CFAP43: variants seen among roughly 807,000 people sequenced by gnomAD.
CFAP43 encodes cilia- and flagella-associated protein 43.
Under a neutral mutation model 218.9 loss-of-function variants are expected in CFAP43, and 155 were observed. The ratio of observed to expected loss-of-function variants is 0.71; its 90% CI spans 0.62 to 0.81. CFAP43 has a LOEUF of 0.81. Among genes scored for constraint, CFAP43 ranks in the 30% least tolerant of loss-of-function variants. CFAP43 has a pLI of 0.00. For missense variants in CFAP43, 1,778 were observed against 1,954.3 expected, an observed-to-expected ratio of 0.91 and a Z score of 1.70; for synonymous variants, 645 against 681.3, an observed-to-expected ratio of 0.95 and a Z score of 0.83.
intron 17 of CFAP43, among the ~76,000 whole-genome samples, 191 bp from the exon 18 acceptor site, chr10:104,180,123 A>G (rs2089778376): frequency 6.6e-6 from 1 of 152,214 alleles, no homozygotes; most frequent in African/African-American, 2.4e-5. Flanking sequence ...CTGCCCTTAT[A>G]GTAGCCACAG....
At chr10:104,220,004 T>C (rs907474337) in intron 3 of CFAP43, among the ~76,000 whole-genome samples, 3 of 152,222 alleles carry the variant, frequency 2.0e-5, no homozygotes, top group African/African-American at 4.8e-5. Flanking sequence ...TTTGGAAATA[T>C]GATCTTTACA....
chr10:104,227,485 C>T (rs1328921660), intron 2 of CFAP43, among the ~76,000 whole-genome samples: 1 of 152,148 alleles, frequency 6.6e-6, no homozygotes, highest in Non-Finnish European at 1.5e-5. Flanking sequence ...AGAAAAATAG[C>T]ATCTTGGTTT....
intron 33 of CFAP43, among the ~76,000 whole-genome samples, chr10:104,141,281 A>G (rs994202792): frequency 6.6e-6 from 1 of 152,222 alleles, no homozygotes; most frequent in Non-Finnish European, 1.5e-5. Context: ...ACGGTAATAA[A>G]AGTAAAGTAA....
intron 9 of CFAP43, among the ~76,000 whole-genome samples, chr10:104,197,498 T>G (rs1051734717): frequency 6.6e-6 from 1 of 152,226 alleles, no homozygotes; most frequent in Non-Finnish European, 1.5e-5. Context: ...TATTTCATTT[T>G]CAACCTCAGG....
intron 19 of CFAP43, among the ~76,000 whole-genome samples, chr10:104,174,940 A>C (rs974992670): frequency 2.6e-5 from 4 of 151,924 alleles, no homozygotes; most frequent in Non-Finnish European, 4.4e-5. Flanking sequence ...CTGTAGTCCC[A>C]GCTACTCGGG....
chr10:104,138,115 C>A (rs1161169105), intron 34 of CFAP43, among the ~76,000 whole-genome samples: 1 of 152,068 alleles, frequency 6.6e-6, no homozygotes, highest in Non-Finnish European at 1.5e-5. Flanking sequence ...AGTAAAGAAG[C>A]CTGACAAAAC....
At chr10:104,169,043 T>C (rs2089298537) in intron 20 of CFAP43, among the ~76,000 whole-genome samples, 195 bp from the exon 21 acceptor site, 1 of 152,038 alleles carries the variant, frequency 6.6e-6, no homozygotes, top group Non-Finnish European at 1.5e-5. Context: ...GAACGTCTCC[T>C]GAAGTTTGTC....
intron 34 of CFAP43, among the ~76,000 whole-genome samples, chr10:104,136,331 T>C (rs1444669703): frequency 2.6e-5 from 4 of 151,088 alleles, no homozygotes; most frequent in Non-Finnish European, 5.9e-5. Flanking sequence ...GACTTCAGAT[T>C]TGATTCTTAG....
At chr10:104,157,851 A>G (rs2088657809) in intron 27 of CFAP43, among the ~76,000 whole-genome samples, 1 of 151,480 alleles carries the variant, frequency 6.6e-6, no homozygotes, top group Non-Finnish European at 1.5e-5. Context: ...TCTGGTATCC[A>G]GATCTTGGTC....
intron 30 of CFAP43, 50 bp downstream of exon 30, chr10:104,146,213 G>T: frequency 6.9e-7 from 1 of 1,453,112 alleles, no homozygotes; most frequent in Non-Finnish European, 9.7e-7. Flanking sequence ...TCCAATCCAG[G>T]CAGCAACAAC....
intron 3 of CFAP43, among the ~76,000 whole-genome samples, chr10:104,221,217 C>T (rs74376814): frequency 5.3e-5 from 8 of 152,118 alleles, no homozygotes; most frequent in African/African-American, 7.2e-5. Flanking sequence ...TCAGGTGATC[C>T]GCCCACCTTG....
At chr10:104,231,618 A>C (rs1339187848) in intron 1 of CFAP43, among the ~76,000 whole-genome samples, 1 of 152,162 alleles carries the variant, frequency 6.6e-6, no homozygotes, top group East Asian at 1.9e-4. Flanking sequence ...TGCTGTATAG[A>C]GTGGAGGTGG....
chr10:104,174,712 A>C (rs1257866244), intron 19 of CFAP43, among the ~76,000 whole-genome samples: 1 of 152,120 alleles, frequency 6.6e-6, no homozygotes, highest in Non-Finnish European at 1.5e-5. Flanking sequence ...AAATTGAATA[A>C]AGATAAATAA....
rs916617594 is a variant in CFAP43 at position 104,232,190 on chromosome 10, C to T, written c.57G>A (p.Leu19=). ...GGCCGTGAACACCGCACCTCACGGA[C>T]AAGGACGCGCCGCCGGCGGAGTGGG... ...EGPHSAGGAS[L]SVRWVQGFPK... Residue 19 remains leucine (L), a synonymous_variant, in exon 1 of 38, where the codon TTG becomes TTA. Transcript: ENST00000357060. 12 of 1,609,394 alleles carry T rather than the reference C, an allele frequency of 7.5e-6. No homozygotes were observed. The African/African-American group carries it at 1.6e-4, about 22-fold the overall frequency.
At chr10:104,173,873 C>A (rs2134851786) in intron 19 of CFAP43, among the ~76,000 whole-genome samples, 1 of 152,252 alleles carries the variant, frequency 6.6e-6, no homozygotes, top group East Asian at 1.9e-4. Flanking sequence ...TGGGGAACAA[C>A]AAGACCACTG....
intron 15 of CFAP43, 123 bp downstream of exon 15, chr10:104,185,851 A>T: frequency 1.4e-6 from 1 of 728,238 alleles, no homozygotes; most frequent in Non-Finnish European, 2.1e-6. Context: ...GGTAATTAGT[A>T]CCTTCAATAT....
chr10:104,181,672 C>A (rs540630), intron 17 of CFAP43, among the ~76,000 whole-genome samples: 1 of 152,082 alleles, frequency 6.6e-6, no homozygotes, highest in East Asian at 1.9e-4. Flanking sequence ...ACATACCACA[C>A]GCCAAGCTCT....
At chr10:104,202,750 T>C (rs1352464584) in intron 8 of CFAP43, among the ~76,000 whole-genome samples, 2 of 152,066 alleles carry the variant, frequency 1.3e-5, no homozygotes, top group Middle Eastern at 3.2e-3. Flanking sequence ...GATATCTTTT[T>C]CCTAGTTTCC....
chr10:104,174,599 C>T (rs537374860), intron 19 of CFAP43, among the ~76,000 whole-genome samples: 10 of 152,184 alleles, frequency 6.6e-5, no homozygotes, highest in South Asian at 2.1e-4. Flanking sequence ...ATATTCCATT[C>T]ACAAAAACGG....
Sources: gnomAD v4.1 joint callset for allele counts (sites outside exome capture counted in the v4.1 genomes callset) on GRCh38, gnomAD v4.1.1 for gene constraint, MANE v1.5 for transcripts, NCBI Gene and HGNC (gene_info 2026-07-23, HGNC 2026-07-21) for gene names.